The following ZNF718 variants were observed in gnomAD, a reference collection of about 807,000 sequenced individuals.
The protein encoded by ZNF718 is zinc finger protein 718.
In ZNF718, 3 loss-of-function variants were observed where a neutral mutation model predicts 2.6. The observed-to-expected ratio is 1.16, with a 90% CI of 0.53 to 3.01. The LOEUF (loss-of-function observed/expected upper bound fraction) is 3.01, where lower values mean the gene tolerates loss of function less well. ZNF718 is among the 30% of genes most tolerant of loss of function. The probability of loss-of-function intolerance (pLI) is 0.03; values close to 1 mark genes in which losing one functional copy is unlikely to be tolerated. For synonymous variants in ZNF718, 135 were observed against 77.9 expected, an observed-to-expected ratio of 1.73 and a Z score of -3.86; for missense variants, 468 against 230.0, an observed-to-expected ratio of 2.03 and a Z score of -6.69.
chr4:200,667 A>G (rs1449587057), intron 3 of ZNF718, among the ~76,000 whole-genome samples: 3 of 152,220 alleles, frequency 2.0e-5, no homozygotes, highest in East Asian at 1.9e-4. Flanking sequence ...CATTAATACA[A>G]AATTCCAAAG....
chr4:198,652 G>C (rs1392612816), intron 3 of ZNF718, among the ~76,000 whole-genome samples: 1 of 152,188 alleles, frequency 6.6e-6, no homozygotes, highest in East Asian at 1.9e-4. Context: ...AGGTGGACAG[G>C]TGGCCATATT....
At chr4:199,002 C>A (rs1717846284) in intron 3 of ZNF718, among the ~76,000 whole-genome samples, 3 of 152,186 alleles carry the variant, frequency 2.0e-5, no homozygotes, top group Non-Finnish European at 4.4e-5. Flanking sequence ...AATAGCAGAG[C>A]AGCTGGGATA....
intron 3 of ZNF718, among the ~76,000 whole-genome samples, chr4:157,381 T>G (rs184476200): frequency 7.9e-5 from 12 of 152,278 alleles, no homozygotes; most frequent in African/African-American, 2.9e-4. Context: ...CTCAAAGTGC[T>G]GGTATTAACA....
At chr4:171,431 G>A (rs1703549464) in intron 3 of ZNF718, among the ~76,000 whole-genome samples, 1 of 152,122 alleles carries the variant, frequency 6.6e-6, no homozygotes, top group Admixed American at 6.6e-5. Context: ...GCTGTGCCCT[G>A]CCCCCCAGAG....
chr4:144,667 T>C (rs550300105), intron 3 of ZNF718, among the ~76,000 whole-genome samples: 2 of 152,196 alleles, frequency 1.3e-5, no homozygotes, highest in Non-Finnish European at 2.9e-5. Flanking sequence ...TTTTTTTCTC[T>C]TGTTTAATTT....
chr4:176,330 A>G (rs1159373982), intron 3 of ZNF718, among the ~76,000 whole-genome samples: 1 of 152,044 alleles, frequency 6.6e-6, no homozygotes, highest in Non-Finnish European at 1.5e-5. Context: ...CTGCTAACAT[A>G]CTATTTCTAA....
chr4:154,420 C>G (rs1553813224), intron 3 of ZNF718, among the ~76,000 whole-genome samples: 2 of 152,112 alleles, frequency 1.3e-5, no homozygotes, highest in Non-Finnish European at 2.9e-5. Flanking sequence ...TTTGGAACTT[C>G]CTGGAGATGT....
rs1438265532 is a variant in ZNF718, at chr4:129,706, C to G, written c.4-1082C>G. On this transcript the variant is annotated intron_variant, in intron 1 of 3. Coordinates refer to ENST00000510175, the MANE Select transcript of ZNF718 (RefSeq NM_001039127.6). Reference sequence around the variant, plus strand: ...ACAAACACAAAAATAAAAAATTCCTCTGAATTGCACTTAGCACTTCCTTTC... The same window carrying G: ...ACAAACACAAAAATAAAAAATTCCTGTGAATTGCACTTAGCACTTCCTTTC... Among the ~76,000 whole-genome samples, 20 of 103,080 alleles carry G rather than the reference C, an allele frequency of 1.9e-4. 8 individuals are homozygous for G. The highest frequency in any genetic ancestry group is 6.7e-4 in the African/African-American group (20 of 29,732). The allele number at this position is 103,080 out of a possible 152,430, so 67.6% of individuals were successfully genotyped here. A position where few individuals can be genotyped will look rare whatever the true frequency, so the allele number is the denominator to read the frequency against.
At chr4:188,464 T>C (rs1553820699) in intron 3 of ZNF718, among the ~76,000 whole-genome samples, 1 of 152,050 alleles carries the variant, frequency 6.6e-6, no homozygotes, top group East Asian at 1.9e-4. Flanking sequence ...AGCCAGTGGG[T>C]CTTATCATAT....
chr4:141,434 G>A (rs1422873980), intron 3 of ZNF718, among the ~76,000 whole-genome samples: 1 of 152,212 alleles, frequency 6.6e-6, no homozygotes, highest in Non-Finnish European at 1.5e-5. Context: ...TGCATCAGCA[G>A]TTTGGCAATT....
At chr4:139,580 T>A (rs1258396643) in intron 3 of ZNF718, among the ~76,000 whole-genome samples, 1 of 152,230 alleles carries the variant, frequency 6.6e-6, no homozygotes, top group East Asian at 1.9e-4. Context: ...CGCTTGGGCT[T>A]TTTCCCACAC....
At chr4:184,645 GC>G (rs1309266030) in intron 3 of ZNF718, among the ~76,000 whole-genome samples, 1 of 151,978 alleles carries the variant, frequency 6.6e-6, no homozygotes, top group African/African-American at 2.4e-5. Context: ...CAGGTCCTGG[GC>G]TTTTTTTGGT....
chr4:166,549 G>C (rs565009211), downstream of ZNF718, among the ~76,000 whole-genome samples: 45 of 152,274 alleles, frequency 3.0e-4, no homozygotes, highest in African/African-American at 9.9e-4. Flanking sequence ...ATTCTAACTG[G>C]TGTGAGGTGG....
At chr4:180,145 G>C (rs1459112619) in intron 3 of ZNF718, among the ~76,000 whole-genome samples, 2 of 152,186 alleles carry the variant, frequency 1.3e-5, no homozygotes, top group Non-Finnish European at 2.9e-5. Flanking sequence ...CCTCCTGGGA[G>C]AGACAGAGAT....
rs368619910 is a variant in ZNF718 at position 181,946 on chromosome 4, A to G, written c.227-19135A>G. 2.0e-5 allele frequency among the ~76,000 whole-genome samples: 3 copies of G among 152,172 alleles called. No homozygotes were observed. The East Asian group carries it at 5.8e-4, about 29-fold the overall frequency. ...TTTTCAGTTCCTGCGTTAATTTGCT[A>G]AAAATAATGGCTTCTAGATCTATCC... On this transcript the variant is annotated intron_variant and NMD_transcript_variant, in intron 3 of 4. Coordinates refer to the ZNF718 transcript ENST00000642529.
At chr4:148,888 A>G (rs576877381) in intron 3 of ZNF718, among the ~76,000 whole-genome samples, 2 of 152,258 alleles carry the variant, frequency 1.3e-5, no homozygotes, top group East Asian at 3.9e-4. Context: ...ATCTATAGCT[A>G]TGTTTACAGT....
rs141731979 is a variant in ZNF718 at position 191,906 on chromosome 4, C to A, written c.227-9175C>A. On this transcript the variant is annotated intron_variant and NMD_transcript_variant, in intron 3 of 4. Coordinates refer to the ZNF718 transcript ENST00000642529. ...CCTCATGGATTCCAAGGAATGGAAC[C>A]TTGGGCCATGCAGTCAGTGTTATAG... Among the ~76,000 whole-genome samples, 473 of 152,180 alleles carry A rather than the reference C, an allele frequency of 3.1e-3. 2 individuals are homozygous for A. The highest frequency in any genetic ancestry group is 0.011 in the African/African-American group (451 of 41,512).
chr4:158,593 GAACTT>G (rs1451469953), intron 3 of ZNF718, among the ~76,000 whole-genome samples: 1 of 151,710 alleles, frequency 6.6e-6, no homozygotes, highest in African/African-American at 2.4e-5. Context: ...AAACTGGTAA[GAACTT>G]AACTTTAGTT....
intron 3 of ZNF718, among the ~76,000 whole-genome samples, chr4:140,784 C>G (rs748728676): frequency 1.3e-5 from 2 of 152,088 alleles, no homozygotes; most frequent in Non-Finnish European, 2.9e-5. Flanking sequence ...GTTATGTCTA[C>G]CAAATTGGCT....
Sources: allele counts gnomAD v4.1 joint callset (sites outside exome capture counted in the v4.1 genomes callset), GRCh38; gene constraint gnomAD v4.1.1; transcripts MANE v1.5; gene names NCBI Gene and HGNC (gene_info 2026-07-23, HGNC 2026-07-21).